DENND5A: variants seen among roughly 807,000 people sequenced by gnomAD.
The protein encoded by DENND5A is DENN domain-containing protein 5A.
Under a neutral mutation model 140.3 loss-of-function variants are expected in DENND5A, and 64 were observed. That is an observed-to-expected ratio of 0.46 (90% confidence interval 0.37 to 0.56). The LOEUF is 0.56. DENND5A is among the 20% of genes least tolerant of loss of function. The pLI, the probability that DENND5A is intolerant of heterozygous loss-of-function variation, is 0.00. For missense variants in DENND5A, 1,292 were observed against 1,593.8 expected (o/e 0.81, Z 3.22); for synonymous variants, 605 against 607.7 (o/e 1.00, Z 0.07).
Position 9,251,951 on chromosome 11 carries a change from C to T in DENND5A, c.109+13010G>A, listed in dbSNP as rs538615309. ...TTGCAGTGAGCCGAGATGGCACCAC[C>T]GTACTCCAGCCTGGGCGACAGAGCG... On this transcript the variant is annotated intron_variant, in intron 1 of 22. Transcript: ENST00000328194. Among the ~76,000 whole-genome samples, 178 of 150,556 alleles carry T rather than the reference C, an allele frequency of 1.2e-3. 1 individual carries two copies. The highest frequency in any genetic ancestry group is 4.1e-3 in the African/African-American group (169 of 40,896).
chr11:9,140,956 G>A lies in DENND5A; in HGVS notation c.3680+984C>T, dbSNP rs1034293317. On this transcript the variant is annotated intron_variant, in intron 22 of 22. Coordinates refer to ENST00000328194, the MANE Select transcript of DENND5A (RefSeq NM_015213.4). ...AGCCTGACCAACATGGAGAAACCCC[G>A]TCTCTACTAACAATACAAAACTAGC... 7.9e-5 allele frequency among the ~76,000 whole-genome samples: 12 copies of A among 152,114 alleles called. No homozygotes were observed. In the East Asian group the frequency reaches 1.4e-3, roughly 17 times the overall value.
chr11:9,243,101 AAAACAAAAAAAAAAAC>A (rs908316169), intron 1 of DENND5A, among the ~76,000 whole-genome samples: 3 of 138,246 alleles, frequency 2.2e-5, no homozygotes, highest in African/African-American at 3.3e-5. Flanking sequence ...AAAAAAAAAA[AAAACAAAAAAAAAAAC>A]TGAGGCGAGT....
chr11:9,142,664 G>T lies in DENND5A; in HGVS notation c.3511+58C>A. 9 of 1,606,288 alleles carry T rather than the reference G, an allele frequency of 5.6e-6. No individual in the cohort carries two copies. The Middle Eastern group carries it at 9.9e-4, about 177-fold the overall frequency. ...AGTGGTCAGCACCCATGCTATGCTGGTGAGTCCCCTTATATCTCTACATGC... is the reference window on the plus strand; with the variant it reads ...AGTGGTCAGCACCCATGCTATGCTGTTGAGTCCCCTTATATCTCTACATGC... On this transcript the variant is annotated intron_variant, in intron 21 of 22. Coordinates refer to ENST00000328194, the MANE Select transcript of DENND5A (RefSeq NM_015213.4).
At chr11:9,209,829 G>A (rs1228126083) in intron 1 of DENND5A, among the ~76,000 whole-genome samples, 1 of 152,088 alleles carries the variant, frequency 6.6e-6, no homozygotes, top group African/African-American at 2.4e-5. Context: ...TAAGGGGCTG[G>A]GCACGGTGGC....
chr11:9,172,166 A>G (rs1362303817), intron 8 of DENND5A: 1 of 152,216 alleles, frequency 6.6e-6, no homozygotes, highest in African/African-American at 2.4e-5. Flanking sequence ...TGGGGAGAAC[A>G]GAAAAATTAC....
intron 15 of DENND5A, among the ~76,000 whole-genome samples, chr11:9,147,930 C>G (rs1847487308): frequency 6.6e-6 from 1 of 152,210 alleles, no homozygotes; most frequent in African/African-American, 2.4e-5. Flanking sequence ...GCTGCAATCA[C>G]CATGGCCAGA....
chr11:9,221,038 C>T (rs910211005), intron 1 of DENND5A, among the ~76,000 whole-genome samples: 4 of 151,776 alleles, frequency 2.6e-5, no homozygotes, highest in South Asian at 2.1e-4. Flanking sequence ...GCCGAGATGG[C>T]GCCATTGAGC....
At chr11:9,216,366 A>G (rs1328233110) in intron 1 of DENND5A, among the ~76,000 whole-genome samples, 1 of 152,198 alleles carries the variant, frequency 6.6e-6, no homozygotes, top group Non-Finnish European at 1.5e-5. Flanking sequence ...TTCCTCAGCT[A>G]CCTCTCTCTT....
chr11:9,260,295 G>A (rs985044176), intron 1 of DENND5A, among the ~76,000 whole-genome samples: 1 of 151,976 alleles, frequency 6.6e-6, no homozygotes, highest in Non-Finnish European at 1.5e-5. Flanking sequence ...CAAGTATTTG[G>A]GAACCTTAAT....
intron 9 of DENND5A, chr11:9,170,150 G>T: frequency 2.0e-6 from 1 of 510,096 alleles, no homozygotes; most frequent in Non-Finnish European, 2.5e-6. Context: ...ACCTCCTCAT[G>T]GAACATGTCT....
intron 1 of DENND5A, among the ~76,000 whole-genome samples, chr11:9,222,006 C>G (rs547668157): frequency 6.6e-6 from 1 of 152,056 alleles, no homozygotes; most frequent in Non-Finnish European, 1.5e-5. Flanking sequence ...ATCCGCCCAC[C>G]TTGGCCTCCC....
At chr11:9,165,705 A>T in intron 11 of DENND5A, 131 bp downstream of exon 11, 1 of 1,126,760 alleles carries the variant, frequency 8.9e-7, no homozygotes, top group Non-Finnish European at 1.3e-6. Flanking sequence ...AAGTGTTGGG[A>T]TTACAGGCAT....
At chr11:9,236,563 T>C (rs1355542422) in intron 1 of DENND5A, among the ~76,000 whole-genome samples, 4 of 151,694 alleles carry the variant, frequency 2.6e-5, no homozygotes, top group Admixed American at 2.6e-4. Context: ...AAGAAATATT[T>C]AGCATTTTTA....
At chr11:9,225,575 C>T (rs1338209697) in intron 1 of DENND5A, among the ~76,000 whole-genome samples, 1 of 152,088 alleles carries the variant, frequency 6.6e-6, no homozygotes, top group Non-Finnish European at 1.5e-5. Flanking sequence ...GCCTAGCCAA[C>T]GTGGTAAAAC....
chr11:9,235,834 G>C (rs943905790), intron 1 of DENND5A, among the ~76,000 whole-genome samples: 1 of 152,124 alleles, frequency 6.6e-6, no homozygotes, highest in Admixed American at 6.6e-5. Flanking sequence ...GAAATGAGAA[G>C]TAACTGTTTA....
intron 1 of DENND5A, among the ~76,000 whole-genome samples, chr11:9,239,999 C>G (rs1244962336): frequency 6.6e-6 from 1 of 152,166 alleles, no homozygotes; most frequent in Non-Finnish European, 1.5e-5. Flanking sequence ...CAGGGTCACA[C>G]CCAGAGCTAC....
At chr11:9,218,724 G>A (rs1475199897) in intron 1 of DENND5A, among the ~76,000 whole-genome samples, 1 of 151,752 alleles carries the variant, frequency 6.6e-6, no homozygotes, top group African/African-American at 2.4e-5. Context: ...TAAATGTATT[G>A]GGCCGGCGTG....
chr11:9,244,874 G>A (rs985802836), intron 1 of DENND5A, among the ~76,000 whole-genome samples: 5 of 151,510 alleles, frequency 3.3e-5, no homozygotes, highest in African/African-American at 1.2e-4. Flanking sequence ...ACAGGGTTTC[G>A]CCGTGTTGCC....
At chr11:9,233,914 A>G (rs935107666) in intron 1 of DENND5A, among the ~76,000 whole-genome samples, 1 of 152,198 alleles carries the variant, frequency 6.6e-6, no homozygotes. Flanking sequence ...GCAGTGGCTC[A>G]GGCCTGTAAT....
Sources: gnomAD v4.1 joint callset for allele counts (sites outside exome capture counted in the v4.1 genomes callset) on GRCh38, gnomAD v4.1.1 for gene constraint, MANE v1.5 for transcripts, NCBI Gene and HGNC (gene_info 2026-07-23, HGNC 2026-07-21) for gene names.